ATP10B: variants seen among roughly 807,000 people sequenced by gnomAD.
The protein encoded by ATP10B is phospholipid-transporting ATPase VB.
In ATP10B, 122 loss-of-function variants were observed where a neutral mutation model predicts 141.2. That is an observed-to-expected ratio of 0.86 (90% CI 0.75 to 1.00). ATP10B has a LOEUF of 1.00. Among genes scored for constraint, ATP10B ranks in the 50% least tolerant of loss-of-function variants. The pLI is 0.00. For synonymous variants in ATP10B, 685 were observed against 692.0 expected (o/e 0.99, Z 0.16); for missense variants, 1,876 against 1,825.3 (o/e 1.03, Z -0.51).
At chr5:160,700,670 C>T (rs10062843) in intron 3 of ATP10B, among the ~76,000 whole-genome samples, 87,615 of 152,024 alleles carry the variant, frequency 0.58, 27,066 homozygotes, top group Middle Eastern at 0.75. Context: ...TAGCAGAACC[C>T]TCTCAACTTT....
At chr5:160,606,404 T>A (rs1264718886) in intron 19 of ATP10B, among the ~76,000 whole-genome samples, 1 of 152,210 alleles carries the variant, frequency 6.6e-6, no homozygotes, top group East Asian at 1.9e-4. Flanking sequence ...AGTTGTGGCA[T>A]GCATAAAGTA....
chr5:160,715,022 G>T (rs2127774388), intron 3 of ATP10B, among the ~76,000 whole-genome samples: 1 of 96,274 alleles, frequency 1.0e-5, no homozygotes, highest in South Asian at 3.8e-4. Flanking sequence ...CTTCAAATCT[G>T]TCAGACAGGG....
Position 160,802,696 on chromosome 5 carries a change from C to T in ATP10B, c.-575-16893G>A, listed in dbSNP as rs138055792. On this transcript the variant is annotated intron_variant, in intron 1 of 25. Coordinates refer to ENST00000327245, the MANE Select transcript of ATP10B (RefSeq NM_025153.3). ...TTGAGTTCTTTTCCATTTCTTCCAG[C>T]CTAAAGTTAGTTGCTAATGGCTTCA... Among the ~76,000 whole-genome samples the T allele has an allele frequency of 2.8e-4, 43 of 152,278 alleles. No homozygotes were observed. In the East Asian group the frequency reaches 5.6e-3, roughly 20 times the overall value.
chr5:160,770,175 T>C (rs57514861), intron 2 of ATP10B, among the ~76,000 whole-genome samples: 31,469 of 151,892 alleles, frequency 0.21, 3,899 homozygotes, highest in East Asian at 0.51. Context: ...TCCATCTCTC[T>C]CTGTCCCTCT....
intron 2 of ATP10B, among the ~76,000 whole-genome samples, chr5:160,717,510 A>G (rs1765731961): frequency 6.6e-6 from 1 of 152,286 alleles, no homozygotes; most frequent in South Asian, 2.1e-4. Flanking sequence ...TGAACTTGGG[A>G]CAGTTTGTTC....
intron 21 of ATP10B, among the ~76,000 whole-genome samples, chr5:160,600,382 G>C (rs976051810): frequency 6.6e-6 from 1 of 151,988 alleles, no homozygotes; most frequent in Non-Finnish European, 1.5e-5. Flanking sequence ...TGGCTTATAC[G>C]ATTAGACTTT....
chr5:160,775,574 C>T (rs549007951), intron 2 of ATP10B, among the ~76,000 whole-genome samples: 43 of 152,116 alleles, frequency 2.8e-4, no homozygotes, highest in South Asian at 1.5e-3. Context: ...CTTTAAACAA[C>T]GTAATGAACT....
intron 3 of ATP10B, among the ~76,000 whole-genome samples, chr5:160,715,063 T>A (rs971565988): frequency 7.2e-6 from 1 of 138,606 alleles, no homozygotes; most frequent in African/African-American, 2.7e-5. Flanking sequence ...TACTGCTGTC[T>A]TTTTGTTTGT....
intron 24 of ATP10B, among the ~76,000 whole-genome samples, chr5:160,588,097 C>A (rs1474307761): frequency 1.3e-5 from 2 of 152,172 alleles, no homozygotes; most frequent in Non-Finnish European, 2.9e-5. Flanking sequence ...ATCTGCCCAC[C>A]TCAGCCTCCC....
intron 2 of ATP10B, among the ~76,000 whole-genome samples, chr5:160,746,168 G>C (rs1333649356): frequency 6.6e-6 from 1 of 152,184 alleles, no homozygotes; most frequent in Non-Finnish European, 1.5e-5. Flanking sequence ...CTCTACTGCT[G>C]TCTTTCTTAC....
the ATP10B span, among the ~76,000 whole-genome samples, chr5:160,889,942 T>C: frequency 6.6e-6 from 1 of 152,152 alleles, no homozygotes; most frequent in Non-Finnish European, 1.5e-5. Context: ...CTTTTCCTTC[T>C]ACATAGAATC....
At chr5:160,814,360 C>T (rs925665651) in intron 1 of ATP10B, among the ~76,000 whole-genome samples, 5 of 151,754 alleles carry the variant, frequency 3.3e-5, no homozygotes, top group East Asian at 1.9e-4. Context: ...GTAGCCGATT[C>T]GATCAACTGG....
At chr5:160,794,158 AG>A (rs1346483611) in intron 1 of ATP10B, among the ~76,000 whole-genome samples, 2 of 152,234 alleles carry the variant, frequency 1.3e-5, no homozygotes, top group African/African-American at 4.8e-5. Flanking sequence ...AATATGTCCT[AG>A]GAACTGTCCT....
At chr5:160,618,275 C>A (rs1015862965) in intron 15 of ATP10B, among the ~76,000 whole-genome samples, 2 of 152,198 alleles carry the variant, frequency 1.3e-5, no homozygotes, top group African/African-American at 4.8e-5. Flanking sequence ...GCATGAGAAC[C>A]GCCTGGGAAT....
chr5:160,637,236 C>T (rs1315894434), intron 10 of ATP10B, among the ~76,000 whole-genome samples: 2 of 151,148 alleles, frequency 1.3e-5, no homozygotes, highest in African/African-American at 4.9e-5. Context: ...ACCCATTCAT[C>T]CATTCATCCA....
the ATP10B span, among the ~76,000 whole-genome samples, chr5:160,880,309 CAAAT>C: frequency 6.7e-6 from 1 of 148,308 alleles, no homozygotes; most frequent in Non-Finnish European, 1.5e-5. Flanking sequence ...AAGGAAAAAT[CAAAT>C]AAATGAAGAG....
intron 2 of ATP10B, among the ~76,000 whole-genome samples, chr5:160,739,644 A>G (rs1381742281): frequency 6.6e-6 from 1 of 152,182 alleles, no homozygotes; most frequent in African/African-American, 2.4e-5. Flanking sequence ...CCATCCACTC[A>G]CAGAGACCGT....
At chr5:160,568,921 G>C (rs1333422968) in intron 25 of ATP10B, among the ~76,000 whole-genome samples, 3 of 152,148 alleles carry the variant, frequency 2.0e-5, no homozygotes, top group African/African-American at 7.2e-5. Flanking sequence ...TCTAATGCAG[G>C]TCTTGTATGG....
chr5:160,762,114 A>G (rs558633882), intron 2 of ATP10B, among the ~76,000 whole-genome samples: 2 of 152,362 alleles, frequency 1.3e-5, no homozygotes, highest in Non-Finnish European at 2.9e-5. Context: ...TGAGGAAGAA[A>G]AGAAATCTAA....
Sources: allele counts gnomAD v4.1 joint callset (sites outside exome capture counted in the v4.1 genomes callset), GRCh38; gene constraint gnomAD v4.1.1; transcripts MANE v1.5; gene names NCBI Gene and HGNC (gene_info 2026-07-23, HGNC 2026-07-21).